Variants in CRACD observed in about 807,000 individuals in gnomAD.
CRACD encodes the protein capping protein-inhibiting regulator of actin dynamics.
CRACD carries 56 observed loss-of-function variants against 106.8 expected under a neutral mutation model. The observed-to-expected ratio is 0.52, with a 90% confidence interval of 0.42 to 0.66. The LOEUF (loss-of-function observed/expected upper bound fraction) is 0.66, where lower values mean the gene tolerates loss of function less well. Ranked by LOEUF, CRACD falls within the 30% of genes least tolerant of loss-of-function variation. The pLI, the probability that CRACD is intolerant of heterozygous loss-of-function variation, is 0.00. For synonymous variants in CRACD, 754 were observed against 670.8 expected (o/e 1.12, Z -1.92); for missense variants, 1,730 against 1,623.2 (o/e 1.07, Z -1.13).
At chr4:56,092,151 G>A (rs1560448389) in intron 1 of CRACD, among the ~76,000 whole-genome samples, 1 of 152,190 alleles carries the variant, frequency 6.6e-6, no homozygotes, top group Non-Finnish European at 1.5e-5. Flanking sequence ...TGTGGAGGAG[G>A]GTGACAGGTT....
chr4:56,127,944 C>T (rs1053665813), intron 1 of CRACD, among the ~76,000 whole-genome samples: 9 of 152,150 alleles, frequency 5.9e-5, no homozygotes, highest in African/African-American at 2.2e-4. Context: ...AAGGGACACT[C>T]CTATTGCATT....
At chr4:56,145,903 C>T (rs1455599166) in intron 1 of CRACD, among the ~76,000 whole-genome samples, 2 of 152,082 alleles carry the variant, frequency 1.3e-5, no homozygotes, top group Non-Finnish European at 2.9e-5. Context: ...GGATTCTAGG[C>T]GTGAGTCACT....
intron 1 of CRACD, among the ~76,000 whole-genome samples, chr4:56,114,948 C>T (rs1734231794): frequency 6.6e-6 from 1 of 151,886 alleles, no homozygotes; most frequent in Admixed American, 6.6e-5. Flanking sequence ...GGGGGATATG[C>T]AGGAAATGTA....
intron 1 of CRACD, among the ~76,000 whole-genome samples, chr4:56,124,958 A>G (rs1734610698): frequency 6.6e-6 from 1 of 152,218 alleles, no homozygotes; most frequent in East Asian, 1.9e-4. Context: ...TGCTGAGTGT[A>G]TATTTAATGA....
chr4:56,262,633 T>A (rs914693056), intron 2 of CRACD, among the ~76,000 whole-genome samples: 2 of 152,234 alleles, frequency 1.3e-5, no homozygotes, highest in African/African-American at 4.8e-5. Flanking sequence ...ACTCCTGACC[T>A]ACTGTTTCTC....
rs1384106356 is a variant in CRACD, at chr4:56,074,094, G to GTA, written c.-336+24798_-336+24799dup. Among the ~76,000 whole-genome samples, 5 of 152,010 alleles carry GTA rather than the reference G, an allele frequency of 3.3e-5. No homozygotes were observed. The East Asian group carries it at 9.7e-4, about 29-fold the overall frequency. ...TTTTGGTATATACTGTAGTCTTGTA[G>GTA]TATAGTTTGAAGTCAGGTAGCATGA... On this transcript the variant is annotated intron_variant, in intron 1 of 10. Coordinates refer to ENST00000682029, the MANE Select transcript of CRACD (RefSeq NM_001393381.1).
intron 3 of CRACD, among the ~76,000 whole-genome samples, chr4:56,295,345 T>C (rs1429821056): frequency 6.6e-6 from 1 of 151,992 alleles, no homozygotes; most frequent in Non-Finnish European, 1.5e-5. Context: ...CCAATAAAAT[T>C]TAGCTAGGAT....
chr4:56,054,573 G>A (rs1297400637), intron 1 of CRACD, among the ~76,000 whole-genome samples: 1 of 152,146 alleles, frequency 6.6e-6, no homozygotes, highest in Non-Finnish European at 1.5e-5. Flanking sequence ...AGATGCATAT[G>A]CATATTTTAG....
At chr4:56,114,715 G>A (rs1053625202) in intron 1 of CRACD, among the ~76,000 whole-genome samples, 1 of 152,052 alleles carries the variant, frequency 6.6e-6, no homozygotes, top group Non-Finnish European at 1.5e-5. Context: ...AAATAGAAAA[G>A]ACTAGAGTAT....
intron 1 of CRACD, among the ~76,000 whole-genome samples, chr4:56,168,135 C>A (rs1317535114): frequency 6.6e-6 from 1 of 152,150 alleles, no homozygotes; most frequent in African/African-American, 2.4e-5. Context: ...ACAATTTTGC[C>A]ATGTTGCCAA....
chr4:56,284,149 T>C (rs1354425592), intron 3 of CRACD, among the ~76,000 whole-genome samples: 1 of 151,994 alleles, frequency 6.6e-6, no homozygotes, highest in Non-Finnish European at 1.5e-5. Flanking sequence ...TAGTAATCAT[T>C]TTCTTATCCT....
At chr4:56,163,412 G>A (rs1577703947) in intron 1 of CRACD, among the ~76,000 whole-genome samples, 1 of 152,134 alleles carries the variant, frequency 6.6e-6, no homozygotes. Flanking sequence ...AATATCATTT[G>A]TAATGTGAAA....
At chr4:56,308,200 A>C (rs1400150389) in intron 5 of CRACD, among the ~76,000 whole-genome samples, 2 of 152,202 alleles carry the variant, frequency 1.3e-5, no homozygotes, top group African/African-American at 2.4e-5. Flanking sequence ...GACTAATTTA[A>C]AGGGAAATGA....
At chr4:56,068,137 GGT>G (rs1732522674) in intron 1 of CRACD, among the ~76,000 whole-genome samples, 1 of 152,168 alleles carries the variant, frequency 6.6e-6, no homozygotes, top group South Asian at 2.1e-4. Context: ...GGAAGATGGT[GGT>G]GGTGGTGGCT....
intron 1 of CRACD, among the ~76,000 whole-genome samples, chr4:56,165,815 A>G (rs927989152): frequency 3.3e-5 from 5 of 152,228 alleles, no homozygotes; most frequent in Non-Finnish European, 1.5e-5. Context: ...TTAGCAAGCA[A>G]AGAGTTCAAA....
chr4:56,152,950 A>G (rs1181181817), intron 1 of CRACD, among the ~76,000 whole-genome samples: 3 of 152,030 alleles, frequency 2.0e-5, no homozygotes, highest in African/African-American at 7.2e-5. Flanking sequence ...TTCCAGTTGG[A>G]TATCTTATAG....
In CRACD at chr4:56,214,681, C is replaced by CTCTCTCTATATATATA; in HGVS notation, c.-189+35252_-189+35253insCTCTCTATATATATAT. ...TCTCTCTCTCTCTCTCTCTCTCTCT[C>CTCTCTCTATATATATA]TATATATATATATATCAAACAGTTA... On this transcript the variant is annotated intron_variant, in intron 2 of 10. Coordinates refer to ENST00000682029, the MANE Select transcript of CRACD (RefSeq NM_001393381.1). Among the ~76,000 whole-genome samples the CTCTCTCTATATATATA allele has an allele frequency of 2.8e-4, 23 of 80,984 alleles. 1 individual carries two copies. The highest frequency in any genetic ancestry group is 6.0e-4 in the African/African-American group (14 of 23,488). 53.1% of individuals were successfully genotyped at this position (80,984 alleles called of 152,430 possible).
chr4:56,172,935 T>C (rs1736433726), intron 1 of CRACD, among the ~76,000 whole-genome samples: 1 of 152,194 alleles, frequency 6.6e-6, no homozygotes, highest in African/African-American at 2.4e-5. Context: ...TTTGTATTTT[T>C]AGTAGAGACG....
chr4:56,083,022 T>C (rs959766561), intron 1 of CRACD, among the ~76,000 whole-genome samples: 1 of 152,038 alleles, frequency 6.6e-6, no homozygotes, highest in Non-Finnish European at 1.5e-5. Flanking sequence ...TGTGCAGAAT[T>C]AGAGAGAGAA....
Sources: gnomAD v4.1 joint callset for allele counts (sites outside exome capture counted in the v4.1 genomes callset) on GRCh38, gnomAD v4.1.1 for gene constraint, MANE v1.5 for transcripts, NCBI Gene and HGNC (gene_info 2026-07-23, HGNC 2026-07-21) for gene names.